SMS: variants seen among roughly 807,000 people sequenced by gnomAD.
The protein encoded by SMS is spermine synthase.
Under a neutral mutation model 33.0 loss-of-function variants are expected in SMS, and 3 were observed. The observed-to-expected ratio is 0.09, with a 90% CI of 0.04 to 0.23. The LOEUF (loss-of-function observed/expected upper bound fraction) is 0.23, where lower values mean the gene tolerates loss of function less well. Ranked by LOEUF, SMS falls within the 10% of genes least tolerant of loss-of-function variation. The pLI is 1.00. For missense variants in SMS, 117 were observed against 288.6 expected (o/e 0.41, Z 4.31); for synonymous variants, 103 against 112.2 (o/e 0.92, Z 0.52).
At chrX:21,972,172 G>A (rs1417228453) in intron 3 of SMS, among the ~76,000 whole-genome samples, 182 bp downstream of exon 3, 1 of 112,442 alleles carries the variant, frequency 8.9e-6, no homozygotes, top group African/African-American at 3.2e-5. Context: ...GGGTGTCAGC[G>A]TTCCCTTTTA....
intron 2 of SMS, among the ~76,000 whole-genome samples, chrX:21,970,939 G>C (rs749728181): frequency 9.1e-6 from 1 of 109,884 alleles, no homozygotes; most frequent in Non-Finnish European, 1.9e-5. Context: ...GCTCACGCCT[G>C]TAGTCTCAAC....
intron 7 of SMS, among the ~76,000 whole-genome samples, chrX:21,982,336 CAAAAAAAAAAA>C (rs11430711): frequency 6.5e-5 from 3 of 46,096 alleles, no homozygotes; most frequent in African/African-American, 2.3e-4. Context: ...AGACTTGTCT[CAAAAAAAAAAA>C]AAAAAAAAAG....
chrX:21,940,761 G>A lies in SMS; in HGVS notation c.-64G>A. 1 of 932,225 alleles carries A rather than the reference G, an allele frequency of 1.1e-6. No individual in the cohort carries two copies. Among genetic ancestry groups the A allele is most frequent in the Non-Finnish European group, 1.4e-6 (1 of 689,824 alleles). 76.8% of individuals were successfully genotyped at this position (932,225 alleles called of 1,213,427 possible). ...CTCCCAGCCGGCCGCAGCCTGACAC[G>A]CCGCGCGGCCCCCCAGTCTCCCGCG... is the stretch of plus-strand genomic sequence containing the variant. On this transcript the variant is annotated 5_prime_UTR_variant, in exon 1 of 11. Coordinates refer to ENST00000404933, the MANE Select transcript of SMS (RefSeq NM_004595.5).
At chrX:21,992,772 A>G in intron 10 of SMS, 60 bp downstream of exon 10, 1 of 663,098 alleles carries the variant, frequency 1.5e-6, no homozygotes, top group Non-Finnish European at 2.4e-6. Flanking sequence ...ATCATATGCC[A>G]ATGAAAAAAT....
At chrX:21,972,634 C>T (rs982651698) in intron 4 of SMS, 63 bp downstream of exon 4, 10 of 794,232 alleles carry the variant, frequency 1.3e-5, no homozygotes, top group Middle Eastern at 4.2e-4. Context: ...GTTGGCTGGG[C>T]GCGGTAGCTC....
chrX:21,961,467 T>G lies in SMS; in HGVS notation c.50-5729T>G, dbSNP rs1458938534. The stretch of plus-strand genomic sequence containing the variant: ...TGGGAGCAGTTGCACGGGAGGCAGG[T>G]TCCAGCTAGATACACAGATTTGTGC... On this transcript the variant is annotated intron_variant, in intron 1 of 10. Transcript: ENST00000404933. Among the ~76,000 whole-genome samples, 7 of 110,848 alleles carry G rather than the reference T, an allele frequency of 6.3e-5. No homozygotes were observed. The East Asian group carries it at 1.4e-3, about 22-fold the overall frequency.
At chrX:21,988,548 C>G (rs1295071527) in intron 9 of SMS, among the ~76,000 whole-genome samples, 1 of 108,996 alleles carries the variant, frequency 9.2e-6, no homozygotes, top group Non-Finnish European at 1.9e-5. Context: ...GCCTGTAGTC[C>G]CAGCTACTCG....
chrX:21,985,011 T>G (rs1277965459), intron 8 of SMS, 133 bp from the exon 9 acceptor site: 1 of 459,488 alleles, frequency 2.2e-6, no homozygotes, highest in African/African-American at 2.4e-5. Flanking sequence ...ACAAGCTCTT[T>G]GAATAGTGGG....
intron 1 of SMS, among the ~76,000 whole-genome samples, chrX:21,943,154 G>A (rs1211177680): frequency 7.2e-5 from 8 of 110,767 alleles, no homozygotes; most frequent in African/African-American, 2.6e-4. Flanking sequence ...TGTGTCCATG[G>A]GTTTTCTTTT....
At chrX:21,955,553 C>G (rs1922917939) in intron 1 of SMS, among the ~76,000 whole-genome samples, 1 of 112,019 alleles carries the variant, frequency 8.9e-6, no homozygotes, top group Admixed American at 9.4e-5. Flanking sequence ...AGTCCCCTCT[C>G]AAAACCTTCT....
intron 1 of SMS, among the ~76,000 whole-genome samples, chrX:21,949,200 C>G (rs1922442750): frequency 8.9e-6 from 1 of 112,094 alleles, no homozygotes; most frequent in Non-Finnish European, 1.9e-5. Flanking sequence ...TGACTTGACT[C>G]TGGGTAGTTT....
At chrX:21,947,940 C>A (rs765406500) in intron 1 of SMS, among the ~76,000 whole-genome samples, 1 of 111,484 alleles carries the variant, frequency 9.0e-6, no homozygotes, top group South Asian at 3.8e-4. Flanking sequence ...TTATGGGCTG[C>A]TTCCGGGAGA....
At chrX:21,973,675 G>A (rs920490792) in intron 4 of SMS, among the ~76,000 whole-genome samples, 1 of 113,094 alleles carries the variant, frequency 8.8e-6, no homozygotes. Flanking sequence ...AAGTGATCAT[G>A]AGGAAAATGA....
At chrX:21,949,558 A>G (rs1267474922) in intron 1 of SMS, among the ~76,000 whole-genome samples, 2 of 112,219 alleles carry the variant, frequency 1.8e-5, no homozygotes, top group Non-Finnish European at 3.8e-5. Flanking sequence ...TTTTAAAAGG[A>G]CACTTTGATT....
At chrX:21,944,582 C>T (rs749287962) in intron 1 of SMS, among the ~76,000 whole-genome samples, 71 of 103,750 alleles carry the variant, frequency 6.8e-4, no homozygotes, top group Admixed American at 1.3e-3. Context: ...GTTTTCTGCA[C>T]CTGTAGTCCC....
chrX:21,985,232 C>T lies in SMS; in HGVS notation c.945+9C>T, dbSNP rs1324227496. ...GGAAATATTTTACACAGGTAGGCTA[C>T]TTAACAGTTTTTTCCCTCAAAACGC... On this transcript the variant is annotated intron_variant, in intron 9 of 10. Coordinates refer to ENST00000404933, the MANE Select transcript of SMS (RefSeq NM_004595.5). 9.0e-7 allele frequency: 1 copy of T among 1,106,259 alleles called. No individual in the cohort carries two copies. The highest frequency in any genetic ancestry group is 1.2e-6 in the Non-Finnish European group (1 of 801,253). 91.2% of individuals were successfully genotyped at this position (1,106,259 alleles called of 1,213,427 possible).
chrX:21,994,307 T>C lies in SMS; in HGVS notation c.1062-5T>C. On this transcript the variant is annotated splice_region_variant and splice_polypyrimidine_tract_variant and intron_variant, in intron 10 of 10. Transcript: ENST00000404933. ...CCTGCTTTTATTCCTTGACTCCCTG[T>C]CCAGGTGGGTATTTTACACTGTTTG... 1 of 1,206,263 alleles carries C rather than the reference T, an allele frequency of 8.3e-7. No individual in the cohort carries two copies. The highest frequency in any genetic ancestry group is 1.1e-6 in the Non-Finnish European group (1 of 890,626).
intron 5 of SMS, 24 bp downstream of exon 5, chrX:21,977,260 A>G: frequency 1.7e-6 from 2 of 1,143,655 alleles, no homozygotes; most frequent in South Asian, 1.8e-5. Flanking sequence ...CCCTGCCCCG[A>G]TCACGTAACA....
chrX:21,986,080 G>A (rs1925304825), intron 9 of SMS, among the ~76,000 whole-genome samples: 1 of 110,149 alleles, frequency 9.1e-6, no homozygotes, highest in Non-Finnish European at 1.9e-5. Flanking sequence ...CAGGTGTGGT[G>A]GCTTACGCCT....
Sources: gnomAD v4.1 joint callset for allele counts (sites outside exome capture counted in the v4.1 genomes callset) on GRCh38, gnomAD v4.1.1 for gene constraint, MANE v1.5 for transcripts, NCBI Gene and HGNC (gene_info 2026-07-23, HGNC 2026-07-21) for gene names.